FREM2: variants seen among roughly 807,000 people sequenced by gnomAD.
The protein encoded by FREM2 is FRAS1 related extracellular matrix 2.
In FREM2, 119 loss-of-function variants were observed where a neutral mutation model predicts 219.9. The ratio of observed to expected loss-of-function variants is 0.54; its 90% CI spans 0.47 to 0.63. The LOEUF is 0.63. Ranked by LOEUF, FREM2 falls within the 30% of genes least tolerant of loss-of-function variation. The probability of loss-of-function intolerance (pLI) is 0.00; values close to 1 mark genes in which losing one functional copy is unlikely to be tolerated. For missense variants in FREM2, 4,030 were observed against 3,993.6 expected (o/e 1.01, Z -0.25); for synonymous variants, 1,562 against 1,522.8 (o/e 1.03, Z -0.60).
intron 16 of FREM2, among the ~76,000 whole-genome samples, chr13:38,866,196 T>C (rs1481582615): frequency 6.6e-6 from 1 of 152,134 alleles, no homozygotes; most frequent in Non-Finnish European, 1.5e-5. Flanking sequence ...TCATTCCTTG[T>C]TAAAATCGTT....
At position 38,687,948 on chromosome 13, in the gene FREM2, G is replaced by T; in HGVS notation, c.604G>T (p.Ala202Ser). The T allele has an allele frequency of 6.2e-7, 1 of 1,608,188 alleles. No homozygotes were observed. The highest frequency in any genetic ancestry group is 1.3e-5 in the African/African-American group (1 of 74,916). ...GCTGGGGACCAGCAATGCCCTGGACGCGCGGAGCCTGGAGTTCGCCTTCCA... is the reference window on the plus strand; with the variant it reads ...GCTGGGGACCAGCAATGCCCTGGACTCGCGGAGCCTGGAGTTCGCCTTCCA... The part of the protein sequence containing the change: ...ELLGTSNALD[A>S]RSLEFAFQPE... Residue 202 changes from alanine to serine, a missense_variant, in exon 1 of 24, where the codon GCG becomes TCG. Physicochemically the swap from Ala to Ser is moderately conservative, Grantham distance 99. Around this residue, in one of 2 missense-constraint regions of FREM2, gnomAD observed 3,102 missense variants for 2,950.7 expected, o/e 1.05. Transcript: ENST00000280481.
intron 16 of FREM2, among the ~76,000 whole-genome samples, chr13:38,870,188 T>C (rs1878110725): frequency 6.6e-6 from 1 of 152,204 alleles, no homozygotes; most frequent in Non-Finnish European, 1.5e-5. Context: ...CTTGAGGTCA[T>C]TTTTCCATCC....
Position 38,764,432 on chromosome 13 carries a change from G to A in FREM2, c.5392G>A (p.Gly1798Arg), listed in dbSNP as rs139683958. The A allele has an allele frequency of 1.3e-6, 2 of 1,560,694 alleles. No individual in the cohort carries two copies. Among genetic ancestry groups the A allele is most frequent in the South Asian group, 1.2e-5 (1 of 84,412 alleles). ...TGTTCTTAAACGTAGAGGTTACTTG[G>A]GAGAAACTTCTTTTATAAGTAAGTT... ...DVVLKRRGYL[G>R]ETSFISIGTR... The change falls in exon 3 of 24, where the codon GGA (glycine) becomes AGA (arginine). Residue 1798 changes from glycine to arginine, a missense_variant. Around this residue, in one of 2 missense-constraint regions of FREM2, gnomAD observed 3,102 missense variants for 2,950.7 expected, o/e 1.05. Transcript: ENST00000280481.
At chr13:38,830,768 T>C (rs149700263) in intron 6 of FREM2, among the ~76,000 whole-genome samples, 1 of 152,266 alleles carries the variant, frequency 6.6e-6, no homozygotes, top group Non-Finnish European at 1.5e-5. Context: ...AAGGTCCAGC[T>C]CACATTTTTT....
intron 6 of FREM2, among the ~76,000 whole-genome samples, chr13:38,835,648 A>G (rs1168790069): frequency 2.0e-5 from 3 of 152,170 alleles, no homozygotes; most frequent in African/African-American, 7.2e-5. Context: ...TTCTCCTTGA[A>G]GAGGTCCTTC....
chr13:38,689,825 C>A lies in FREM2; in HGVS notation c.2481C>A (p.Asn827Lys). Reference protein sequence around the residue: ...TFTLYLHPVDNQPPEILNTGF... With the variant: ...TFTLYLHPVDKQPPEILNTGF... ...CCCTTTACTTGCATCCCGTGGACAA[C>A]CAGCCACCTGAGATCCTCAACACCG... Residue 827 changes from asparagine to lysine, a missense_variant, in exon 1 of 24, where the codon AAC becomes AAA. Asn to Lys is a moderately conservative substitution (Grantham distance 94). Transcript: ENST00000280481. 6.2e-7 allele frequency: 1 copy of A among 1,614,124 alleles called. No homozygotes were observed. Among genetic ancestry groups the A allele is most frequent in the Non-Finnish European group, 8.5e-7 (1 of 1,180,022 alleles).
rs191513397 is a variant in FREM2 at position 38,852,297 on chromosome 13, G to A, written c.6925+429G>A. On this transcript the variant is annotated intron_variant, in intron 11 of 23. Transcript: ENST00000280481. ...AGACATACTCTTTTAAATTCCTCTCGTTTAGTAAAACAAACACAATGGGAT... is the reference window on the plus strand; with the variant it reads ...AGACATACTCTTTTAAATTCCTCTCATTTAGTAAAACAAACACAATGGGAT... Among the ~76,000 whole-genome samples the A allele has an allele frequency of 2.0e-4, 31 of 151,992 alleles. No homozygotes were observed. In the East Asian group the frequency reaches 5.4e-3, roughly 27 times the overall value.
intron 6 of FREM2, among the ~76,000 whole-genome samples, chr13:38,816,959 T>A (rs1875791855): frequency 6.6e-6 from 1 of 152,052 alleles, no homozygotes; most frequent in East Asian, 1.9e-4. Context: ...AAGAAAACAG[T>A]TTCATTTACA....
intron 2 of FREM2, among the ~76,000 whole-genome samples, chr13:38,717,412 C>CTTTTTTTT (rs386378868): frequency 2.0e-4 from 18 of 90,152 alleles, no homozygotes; most frequent in Non-Finnish European, 2.9e-4. Context: ...TACATAAGTA[C>CTTTTTTTT]TTTTTTTTTT....
chr13:38,841,678 A>C (rs115960478), intron 6 of FREM2, among the ~76,000 whole-genome samples: 1 of 152,134 alleles, frequency 6.6e-6, no homozygotes, highest in Non-Finnish European at 1.5e-5. Context: ...AAAGAAAATC[A>C]CTGGCTCTTC....
At chr13:38,808,552 T>A (rs542766832) in intron 6 of FREM2, among the ~76,000 whole-genome samples, 33 of 152,010 alleles carry the variant, frequency 2.2e-4, no homozygotes, top group African/African-American at 7.9e-4. Flanking sequence ...TGGCCTGATT[T>A]CAGTATTCTT....
intron 2 of FREM2, among the ~76,000 whole-genome samples, chr13:38,737,340 T>C (rs1872040346): frequency 6.6e-6 from 1 of 152,206 alleles, no homozygotes; most frequent in Non-Finnish European, 1.5e-5. Context: ...GTTTTTATTA[T>C]TTAGATTCTT....
chr13:38,687,806 G>T lies in FREM2; in HGVS notation c.462G>T (p.Gln154His). 6.5e-7 allele frequency: 1 copy of T among 1,542,350 alleles called. No homozygotes were observed. Among genetic ancestry groups the T allele is most frequent in the East Asian group, 2.3e-5 (1 of 43,554 alleles). ...RSPSRDRVRL[Q>H]LRYDAPGGAV... ...CGTCTCGGGACCGCGTCCGGCTGCA[G>T]CTGCGCTATGACGCGCCCGGAGGGG... Residue 154 changes from glutamine to histidine, a missense_variant, in exon 1 of 24, where the codon CAG becomes CAT. By Grantham distance (24) the Gln-to-His change is conservative. This residue lies in a region of FREM2 where 3,102 missense variants were observed against 2,950.7 expected (regional missense o/e 1.05). Transcript: ENST00000280481.
At chr13:38,759,080 G>A (rs752402893) in intron 2 of FREM2, among the ~76,000 whole-genome samples, 2 of 152,026 alleles carry the variant, frequency 1.3e-5, no homozygotes, top group African/African-American at 2.4e-5. Flanking sequence ...AATAAGGTAG[G>A]TAATAATATT....
At chr13:38,821,464 C>A (rs184265593) in intron 6 of FREM2, among the ~76,000 whole-genome samples, 10 of 152,100 alleles carry the variant, frequency 6.6e-5, no homozygotes, top group African/African-American at 1.9e-4. Flanking sequence ...TGCCTTCTTT[C>A]TCTAGGCCAT....
chr13:38,721,576 C>CCCCT (rs1444272296), intron 2 of FREM2, among the ~76,000 whole-genome samples: 1 of 152,080 alleles, frequency 6.6e-6, no homozygotes, highest in Non-Finnish European at 1.5e-5. Flanking sequence ...TATCAGTGAT[C>CCCCT]CCCTGTTGAT....
At chr13:38,787,867 G>T (rs1874395803) in intron 6 of FREM2, among the ~76,000 whole-genome samples, 1 of 151,862 alleles carries the variant, frequency 6.6e-6, no homozygotes, top group Non-Finnish European at 1.5e-5. Context: ...ATAAGGAAAA[G>T]AAGAAAGAAA....
At position 38,690,178 on chromosome 13, in the gene FREM2, A is replaced by G. The variant is rs752533715; in HGVS notation, c.2834A>G (p.His945Arg). ...GATGATGAAGTGCCCATACTGAGCC[A>G]TCCTACTGGCACTCTGGAGTCCTAT... ...PVDDEVPILS[H>R]PTGTLESYLD... Residue 945 changes from histidine to arginine, a missense_variant, in exon 1 of 24, where the codon CAT (histidine) becomes CGT (arginine). Coordinates refer to ENST00000280481, the MANE Select transcript of FREM2 (RefSeq NM_207361.6). 27 of 1,614,036 alleles carry G rather than the reference A, an allele frequency of 1.7e-5. No individual in the cohort carries two copies. Among genetic ancestry groups the G allele is most frequent in the Non-Finnish European group, 2.2e-5 (26 of 1,180,016 alleles).
At chr13:38,729,191 T>G (rs1246066613) in intron 2 of FREM2, among the ~76,000 whole-genome samples, 3 of 152,148 alleles carry the variant, frequency 2.0e-5, no homozygotes, top group Non-Finnish European at 4.4e-5. Flanking sequence ...TGGCATTTTT[T>G]TTTTCAAATA....
Sources: gnomAD v4.1 joint callset for allele counts (sites outside exome capture counted in the v4.1 genomes callset) on GRCh38, gnomAD v4.1.1 for gene constraint, gnomAD v4.1.1 regional missense constraint, MANE v1.5 for transcripts, NCBI Gene and HGNC (gene_info 2026-07-23, HGNC 2026-07-21) for gene names.